The following UST variants were observed in gnomAD, a reference collection of about 807,000 sequenced individuals.
UST encodes the protein uronyl 2-sulfotransferase.
In UST, 21 loss-of-function variants were observed where a neutral mutation model predicts 45.6. The observed-to-expected ratio is 0.46, with a 90% CI of 0.33 to 0.66. UST has a LOEUF of 0.66. Among genes scored for constraint, UST ranks in the 30% least tolerant of loss-of-function variants. UST has a pLI of 0.02. For synonymous variants in UST, 215 were observed against 200.6 expected (o/e 1.07, Z -0.61); for missense variants, 463 against 512.4 (o/e 0.90, Z 0.93).
Position 148,748,609 on chromosome 6 carries a change from G to T in UST, c.247+932G>T, listed in dbSNP as rs1775926851. On this transcript the variant is annotated intron_variant, in intron 1 of 7. Transcript: ENST00000367463. This position sits in a 1 kb window ranked among gnomAD's most constrained non-coding sequence, Gnocchi z 5.3. ...CAGGGACAGGCGAGCGCAAGCCCAG[G>T]TCGCAAGGACGATGCTGGCACTCGC... 6.6e-6 allele frequency among the ~76,000 whole-genome samples: 1 copy of T among 152,096 alleles called. No individual in the cohort carries two copies. Among genetic ancestry groups the T allele is most frequent in the African/African-American group, 2.4e-5 (1 of 41,416 alleles).
chr6:148,910,789 A>G (rs1048742020), intron 2 of UST, among the ~76,000 whole-genome samples: 1 of 152,220 alleles, frequency 6.6e-6, no homozygotes, highest in Non-Finnish European at 1.5e-5. Context: ...CTAAACATGC[A>G]TCCTAAGGTA....
rs1421765563 is a variant in UST at position 148,747,178 on chromosome 6, A to G, written c.-253A>G. ...GCGTGGGGACGCTAGCGGGCGCCGG[A>G]CGGGCGCGGCGCCCCGTCACGGGCA... On this transcript the variant is annotated 5_prime_UTR_variant, in exon 1 of 8. Transcript: ENST00000367463. The G allele has an allele frequency of 5.2e-6, 1 of 192,364 alleles. No homozygotes were observed. Among genetic ancestry groups the G allele is most frequent in the Non-Finnish European group, 1.0e-5 (1 of 97,990 alleles). 11.9% of individuals were successfully genotyped at this position (192,364 alleles called of 1,614,324 possible).
intron 5 of UST, among the ~76,000 whole-genome samples, chr6:148,980,009 C>A (rs1208217909): frequency 2.0e-5 from 3 of 152,168 alleles, no homozygotes. Flanking sequence ...CTGGCCCATC[C>A]CAAATGGGCT....
At chr6:149,027,534 T>C (rs1776066719) in intron 7 of UST, among the ~76,000 whole-genome samples, 1 of 152,180 alleles carries the variant, frequency 6.6e-6, no homozygotes, top group Non-Finnish European at 1.5e-5. Context: ...ATGGGGTGCT[T>C]TTACCCCCTC....
At chr6:149,038,787 G>T (rs974728709) in intron 7 of UST, among the ~76,000 whole-genome samples, 2 of 152,100 alleles carry the variant, frequency 1.3e-5, no homozygotes, top group African/African-American at 4.8e-5. Flanking sequence ...CCTCTGGATT[G>T]CCTTTCTTTG....
intron 1 of UST, among the ~76,000 whole-genome samples, chr6:148,865,939 A>G (rs1200790100): frequency 1.3e-5 from 2 of 152,072 alleles, no homozygotes; most frequent in Non-Finnish European, 2.9e-5. Context: ...TTCGTTAGAC[A>G]ATTATCTCTT....
At chr6:148,818,898 C>T (rs935936323) in intron 1 of UST, among the ~76,000 whole-genome samples, 10 of 152,196 alleles carry the variant, frequency 6.6e-5, no homozygotes, top group Admixed American at 3.3e-4. Context: ...TCTTGCTCCT[C>T]TCTTCCTGCT....
At chr6:148,945,153 C>T (rs1280461283) in intron 3 of UST, among the ~76,000 whole-genome samples, 1 of 152,190 alleles carries the variant, frequency 6.6e-6, no homozygotes, top group East Asian at 1.9e-4. Context: ...GGATACAGCA[C>T]CTACAACCTG....
chr6:148,987,748 A>C (rs1781264270), intron 5 of UST, among the ~76,000 whole-genome samples: 1 of 152,194 alleles, frequency 6.6e-6, no homozygotes, highest in African/African-American at 2.4e-5. Context: ...ACCATTTGGG[A>C]AACATCATTG....
chr6:149,006,644 T>C (rs1358155904), intron 5 of UST, among the ~76,000 whole-genome samples: 5 of 152,244 alleles, frequency 3.3e-5, no homozygotes, highest in East Asian at 1.9e-4. Context: ...ATGGTATTTC[T>C]GGTTGTAGAT....
intron 1 of UST, among the ~76,000 whole-genome samples, chr6:148,802,669 G>A (rs1777075527): frequency 6.6e-6 from 1 of 152,196 alleles, no homozygotes; most frequent in Non-Finnish European, 1.5e-5. Flanking sequence ...AGAATTGAGG[G>A]CCAGGGTGGG....
intron 1 of UST, among the ~76,000 whole-genome samples, chr6:148,759,649 C>T (rs1309218391): frequency 6.6e-6 from 1 of 151,678 alleles, no homozygotes; most frequent in Non-Finnish European, 1.5e-5. Flanking sequence ...GAGATCGAGA[C>T]CGTCCTGGCT....
chr6:148,997,331 G>T (rs1213588704), intron 5 of UST, among the ~76,000 whole-genome samples: 2 of 152,070 alleles, frequency 1.3e-5, no homozygotes, highest in Non-Finnish European at 2.9e-5. Flanking sequence ...CCAATGAAAG[G>T]GTCAGAAATG....
chr6:148,842,781 G>A (rs139426490), intron 1 of UST, among the ~76,000 whole-genome samples: 9 of 152,260 alleles, frequency 5.9e-5, no homozygotes, highest in Non-Finnish European at 1.3e-4. Flanking sequence ...CAAATACAGC[G>A]TGGCCCTCGT....
chr6:148,835,783 CG>C (rs1777775078), intron 1 of UST, among the ~76,000 whole-genome samples: 1 of 152,112 alleles, frequency 6.6e-6, no homozygotes, highest in Admixed American at 6.5e-5. Context: ...TGTACAAATA[CG>C]GAAGTGTGTG....
chr6:148,974,472 A>G (rs1179045266), intron 5 of UST, among the ~76,000 whole-genome samples: 1 of 152,230 alleles, frequency 6.6e-6, no homozygotes, highest in African/African-American at 2.4e-5. Context: ...CAGACAGAGT[A>G]GAAATGATAC....
chr6:149,030,422 A>G (rs1345929272), intron 7 of UST, among the ~76,000 whole-genome samples: 1 of 151,866 alleles, frequency 6.6e-6, no homozygotes, highest in East Asian at 1.9e-4. Context: ...CAGGAGGATC[A>G]CTTGAGCCTA....
rs79641835 is a variant in UST at position 148,791,700 on chromosome 6, A to C, written c.247+44023A>C. ...TGTTTTTCTTGGGATGGAAATAATA[A>C]ATACTTCCTCTTGCCTCCTCTCAGT... On this transcript the variant is annotated intron_variant, in intron 1 of 7. Coordinates refer to ENST00000367463, the MANE Select transcript of UST (RefSeq NM_005715.3). Among the ~76,000 whole-genome samples the C allele has an allele frequency of 5.6e-3, 854 of 152,300 alleles. 9 individuals carry two copies. The highest frequency in any genetic ancestry group is 0.019 in the African/African-American group (777 of 41,556).
chr6:148,893,288 A>G (rs1779054679), intron 2 of UST, among the ~76,000 whole-genome samples: 1 of 152,258 alleles, frequency 6.6e-6, no homozygotes, highest in Non-Finnish European at 1.5e-5. Context: ...AATGAGAAGT[A>G]GTAATATGAA....
Sources: gnomAD v4.1 joint callset for allele counts (sites outside exome capture counted in the v4.1 genomes callset) on GRCh38, gnomAD v4.1.1 for gene constraint, Gnocchi (gnomAD v3.1) non-coding constraint, MANE v1.5 for transcripts, NCBI Gene and HGNC (gene_info 2026-07-23, HGNC 2026-07-21) for gene names.